The following RASEF variants were observed in gnomAD, a reference collection of about 807,000 sequenced individuals.
The protein encoded by RASEF is ras and EF-hand domain-containing protein.
RASEF carries 68 observed loss-of-function variants against 90.1 expected under a neutral mutation model. The ratio of observed to expected loss-of-function variants is 0.75; its 90% confidence interval spans 0.62 to 0.92. RASEF has a LOEUF of 0.92. RASEF is among the 40% of genes least tolerant of loss of function. RASEF has a pLI of 0.00. For synonymous variants in RASEF, 331 were observed against 345.2 expected, an observed-to-expected ratio of 0.96 and a Z score of 0.46; for missense variants, 949 against 937.2, an observed-to-expected ratio of 1.01 and a Z score of -0.16.
chr9:83,091,995 TTTTA>T, the RASEF span, among the ~76,000 whole-genome samples: 9 of 137,580 alleles, frequency 6.5e-5, no homozygotes, highest in Admixed American at 1.5e-4. Context: ...ATTCTTTTTC[TTTTA>T]TTTCTTTTTT....
At chr9:83,089,892 TGATAGATAGATAGATAGATAGATAGATA>T in the RASEF span, among the ~76,000 whole-genome samples, 2 of 144,962 alleles carry the variant, frequency 1.4e-5, no homozygotes, top group African/African-American at 2.6e-5. Context: ...TATAGATAGA[TGATAGATAGATAGATAGATAGATAGATA>T]GATAGATAGA....
At chr9:83,188,557 G>A in the RASEF span, among the ~76,000 whole-genome samples, 1 of 152,148 alleles carries the variant, frequency 6.6e-6, no homozygotes, top group Non-Finnish European at 1.5e-5. Context: ...TTGTGTGCTT[G>A]GAATGGAACA....
At chr9:83,029,494 G>A (rs1174980771) in intron 1 of RASEF, among the ~76,000 whole-genome samples, 2 of 150,972 alleles carry the variant, frequency 1.3e-5, no homozygotes, top group Non-Finnish European at 2.9e-5. Flanking sequence ...CCAGGTTCAA[G>A]CGATTCTCCT....
Position 82,997,013 on chromosome 9 carries a change from T to G in RASEF, c.1919A>C (p.Glu640Ala), listed in dbSNP as rs1244622191. The change falls in exon 14 of 17, where the codon GAG becomes GCG. Residue 640 changes from glutamate to alanine, a missense_variant and splice_region_variant. By Grantham distance (107) the Glu-to-Ala change is moderately radical (BLOSUM62 -1). This residue lies in a region of RASEF where 288 missense variants were observed against 328.4 expected (regional missense o/e 0.88). Coordinates refer to ENST00000376447, the MANE Select transcript of RASEF (RefSeq NM_152573.4). ...LNIREWVDMI[E>A]DAAHETVPIM... Reference sequence around the variant, plus strand: ...TGTTTCTCCATTATGATTTCTTACCTCAATCATATCTACCCATTCTCGTAT... The same window carrying G: ...TGTTTCTCCATTATGATTTCTTACCGCAATCATATCTACCCATTCTCGTAT... 6.5e-7 allele frequency: 1 copy of G among 1,538,750 alleles called. No homozygotes were observed. Among genetic ancestry groups the G allele is most frequent in the Non-Finnish European group, 9.0e-7 (1 of 1,111,650 alleles).
At chr9:83,122,240 T>C in the RASEF span, among the ~76,000 whole-genome samples, 1 of 152,132 alleles carries the variant, frequency 6.6e-6, no homozygotes, top group Non-Finnish European at 1.5e-5. Context: ...TTGTCCCCCA[T>C]GAGCCCAGGA....
chr9:83,046,441 T>C (rs1223213641), intron 1 of RASEF, among the ~76,000 whole-genome samples: 2 of 152,174 alleles, frequency 1.3e-5, no homozygotes, highest in South Asian at 2.1e-4. Context: ...CTGGAATGTA[T>C]ACACTGTGTT....
chr9:83,012,843 C>T (rs560626846), intron 4 of RASEF, among the ~76,000 whole-genome samples: 2 of 152,218 alleles, frequency 1.3e-5, no homozygotes, highest in East Asian at 1.9e-4. Context: ...TTTTTATTCT[C>T]CTTCGTATTA....
chr9:83,129,667 A>C, the RASEF span, among the ~76,000 whole-genome samples: 1 of 152,204 alleles, frequency 6.6e-6, no homozygotes, highest in Non-Finnish European at 1.5e-5. Context: ...TATGGAGAAC[A>C]TAAGGGATGA....
upstream of RASEF, among the ~76,000 whole-genome samples, chr9:83,066,310 T>C (rs1168483563): frequency 6.6e-6 from 1 of 152,228 alleles, no homozygotes; most frequent in East Asian, 1.9e-4. Context: ...CTGCTTTTTC[T>C]ACAAACGTTT....
intron 15 of RASEF, among the ~76,000 whole-genome samples, chr9:82,992,367 A>C (rs993123409): frequency 3.3e-5 from 5 of 152,224 alleles, no homozygotes; most frequent in Non-Finnish European, 7.3e-5. Context: ...GAATGAGTTT[A>C]TTCCTATATA....
chr9:83,079,652 A>G, the RASEF span, among the ~76,000 whole-genome samples: 1 of 152,320 alleles, frequency 6.6e-6, no homozygotes, highest in East Asian at 1.9e-4. Context: ...AACTATGTTA[A>G]CAGCCTTGCG....
the RASEF span, among the ~76,000 whole-genome samples, chr9:83,086,334 C>G: frequency 7.8e-4 from 118 of 152,158 alleles, 1 homozygote; most frequent in Middle Eastern, 0.024. Context: ...AAATAAATAT[C>G]CATAAAGGGG....
At chr9:83,101,861 T>C in the RASEF span, among the ~76,000 whole-genome samples, 1 of 152,164 alleles carries the variant, frequency 6.6e-6, no homozygotes, top group Non-Finnish European at 1.5e-5. Context: ...TCAACATATC[T>C]TGTTGATTCA....
the RASEF span, among the ~76,000 whole-genome samples, chr9:83,118,196 T>C: frequency 6.6e-6 from 1 of 152,218 alleles, no homozygotes. Flanking sequence ...TTCCGTGCTT[T>C]TTAACTAAAG....
At chr9:83,058,547 T>C (rs1193558195) in intron 1 of RASEF, among the ~76,000 whole-genome samples, 1 of 152,148 alleles carries the variant, frequency 6.6e-6, no homozygotes, top group Non-Finnish European at 1.5e-5. Context: ...CACCGTTTCA[T>C]GTAAATTAAG....
the RASEF span, among the ~76,000 whole-genome samples, chr9:83,174,416 T>G: frequency 1.3e-5 from 2 of 152,140 alleles, no homozygotes; most frequent in African/African-American, 4.8e-5. Context: ...TATTCTTTCT[T>G]CATTGAATTA....
At chr9:83,203,565 C>T in the RASEF span, among the ~76,000 whole-genome samples, 1 of 152,168 alleles carries the variant, frequency 6.6e-6, no homozygotes, top group Non-Finnish European at 1.5e-5. Flanking sequence ...CATGAGCCAC[C>T]ACACCTGGCC....
At chr9:83,123,745 G>A in the RASEF span, among the ~76,000 whole-genome samples, 1 of 152,176 alleles carries the variant, frequency 6.6e-6, no homozygotes. Flanking sequence ...TAACTGATCA[G>A]GCTTCCACAC....
chr9:83,209,632 A>G, the RASEF span, among the ~76,000 whole-genome samples: 1 of 152,272 alleles, frequency 6.6e-6, no homozygotes, highest in Non-Finnish European at 1.5e-5. Context: ...TAACACTGCA[A>G]TTCATGAAAT....
Sources: gnomAD v4.1 joint callset for allele counts (sites outside exome capture counted in the v4.1 genomes callset) on GRCh38, gnomAD v4.1.1 for gene constraint, gnomAD v4.1.1 regional missense constraint, MANE v1.5 for transcripts, NCBI Gene and HGNC (gene_info 2026-07-23, HGNC 2026-07-21) for gene names.